The following GNA12 variants were observed in gnomAD, a reference collection of about 807,000 sequenced individuals.
GNA12 encodes the protein guanine nucleotide-binding protein subunit alpha-12.
Under a neutral mutation model 26.0 loss-of-function variants are expected in GNA12, and 9 were observed. The observed-to-expected ratio is 0.35, with a 90% CI of 0.21 to 0.60. GNA12 has a LOEUF of 0.60. Ranked by LOEUF, GNA12 falls within the 20% of genes least tolerant of loss-of-function variation. The pLI is 0.78. For synonymous variants in GNA12, 264 were observed against 219.6 expected, an observed-to-expected ratio of 1.20 and a Z score of -1.79; for missense variants, 405 against 525.8, an observed-to-expected ratio of 0.77 and a Z score of 2.25.
intron 1 of GNA12, among the ~76,000 whole-genome samples, chr7:2,813,817 G>C (rs907283118): frequency 6.6e-6 from 1 of 152,102 alleles, no homozygotes; most frequent in Non-Finnish European, 1.5e-5. Context: ...CACTGAACTG[G>C]GCCACAGGGT....
In GNA12 at chr7:2,839,865, G is replaced by T. The variant is rs528005187; in HGVS notation, c.309+3988C>A. On this transcript the variant is annotated intron_variant, in intron 1 of 3. Coordinates refer to ENST00000275364, the MANE Select transcript of GNA12 (RefSeq NM_007353.3). ...TACACAAAAATTAGCTGGACGTGGTGGTGGGCGCCTGTAATCCCAGCTACC... is the reference window on the plus strand; with the variant it reads ...TACACAAAAATTAGCTGGACGTGGTTGTGGGCGCCTGTAATCCCAGCTACC... Among the ~76,000 whole-genome samples, 11 of 152,284 alleles carry T rather than the reference G, an allele frequency of 7.2e-5. No homozygotes were observed. The South Asian group carries it at 2.3e-3, about 32-fold the overall frequency.
intron 1 of GNA12, among the ~76,000 whole-genome samples, chr7:2,803,653 G>A: frequency 6.6e-6 from 1 of 152,130 alleles, no homozygotes; most frequent in East Asian, 1.9e-4. Context: ...TAGTTCAGTT[G>A]GACAGTGGGA....
rs748113158 is a variant in GNA12 at position 2,780,048 on chromosome 7, G to GTGTGTATATATATATA, written c.525+14879_525+14880insTATATATATATACACA. ...GTACTAGTTTTTTACACATTTCTGT[G>GTGTGTATATATATATA]TACATATATATATATATATATATAT... is the stretch of plus-strand genomic sequence containing the variant. On this transcript the variant is annotated intron_variant, in intron 2 of 3. Coordinates refer to ENST00000275364, the MANE Select transcript of GNA12 (RefSeq NM_007353.3). Among the ~76,000 whole-genome samples the GTGTGTATATATATATA allele has an allele frequency of 5.2e-4, 44 of 84,714 alleles. 1 individual carries two copies. The highest frequency in any genetic ancestry group is 7.4e-4 in the Non-Finnish European group (33 of 44,650). 55.6% of individuals were successfully genotyped at this position (84,714 alleles called of 152,430 possible).
chr7:2,737,269 GTTTTGTTTTTTTTTTTTTTGTT>G (rs1790239773), intron 2 of GNA12, among the ~76,000 whole-genome samples: 4 of 38,112 alleles, frequency 1.0e-4, no homozygotes, highest in South Asian at 7.8e-4. Flanking sequence ...TCACAGTTTT[GTTTTGTTTTTTTTTTTTTTGTT>G]TTTTTTTTTT....
intron 1 of GNA12, among the ~76,000 whole-genome samples, chr7:2,832,475 C>T (rs980084589): frequency 1.3e-5 from 2 of 152,164 alleles, no homozygotes; most frequent in African/African-American, 4.8e-5. Flanking sequence ...GAGGAGTCCA[C>T]GCCATGCACC....
intron 1 of GNA12, among the ~76,000 whole-genome samples, chr7:2,807,105 C>G (rs1339079032): frequency 6.6e-6 from 1 of 152,148 alleles, no homozygotes; most frequent in Non-Finnish European, 1.5e-5. Flanking sequence ...CCAATAATAT[C>G]TAAGCAGTCA....
intron 1 of GNA12, among the ~76,000 whole-genome samples, chr7:2,821,718 T>C (rs1238798533): frequency 6.6e-6 from 1 of 152,252 alleles, no homozygotes; most frequent in Non-Finnish European, 1.5e-5. Flanking sequence ...TTTCCCTTCC[T>C]GTGGCAAGTC....
In GNA12 at chr7:2,830,207, G is replaced by C. The variant is rs78937196; in HGVS notation, c.309+13646C>G. 9.3e-3 allele frequency among the ~76,000 whole-genome samples: 1,408 copies of C among 151,590 alleles called. 17 individuals are homozygous for C. Among genetic ancestry groups the C allele is most frequent in the African/African-American group, 0.033 (1,328 of 40,848 alleles). ...GCCTCAATACTACCTTAAGGGACTG[G>C]GGCTGGGGTCAGGAAATGCACTACA... On this transcript the variant is annotated intron_variant, in intron 1 of 3. Transcript: ENST00000275364.
intron 2 of GNA12, among the ~76,000 whole-genome samples, chr7:2,781,407 A>AGTCTGT (rs1583276336): frequency 1.7e-5 from 1 of 58,858 alleles, no homozygotes; most frequent in East Asian, 7.1e-4. Context: ...TTTCAAAGTA[A>AGTCTGT]GTGTCTGTGT....
chr7:2,742,293 G>T (rs1583220848), intron 2 of GNA12, among the ~76,000 whole-genome samples: 1 of 152,138 alleles, frequency 6.6e-6, no homozygotes, highest in Non-Finnish European at 1.5e-5. Context: ...TGGGATTACA[G>T]GTGTGAGCCA....
intron 1 of GNA12, among the ~76,000 whole-genome samples, chr7:2,801,982 A>T (rs1403541313): frequency 6.6e-6 from 1 of 152,186 alleles, no homozygotes; most frequent in Non-Finnish European, 1.5e-5. Context: ...TAAAGTCTTA[A>T]AAGTAAAATA....
chr7:2,805,440 G>C (rs898549964), intron 1 of GNA12, among the ~76,000 whole-genome samples: 1 of 152,180 alleles, frequency 6.6e-6, no homozygotes, highest in African/African-American at 2.4e-5. Context: ...GTCACACTGT[G>C]TCCCCCAGGC....
chr7:2,761,789 A>G (rs1436334906), intron 2 of GNA12, among the ~76,000 whole-genome samples: 1 of 152,192 alleles, frequency 6.6e-6, no homozygotes, highest in Admixed American at 6.5e-5. Context: ...GTTCATTAAA[A>G]CGTGAAGAGA....
intron 1 of GNA12, among the ~76,000 whole-genome samples, chr7:2,823,193 G>A (rs987440048): frequency 3.9e-5 from 6 of 152,158 alleles, no homozygotes; most frequent in African/African-American, 9.7e-5. Context: ...GTCCAGAGAC[G>A]GCCCCATACC....
At chr7:2,838,468 C>T (rs1039072506) in intron 1 of GNA12, among the ~76,000 whole-genome samples, 1 of 151,992 alleles carries the variant, frequency 6.6e-6, no homozygotes, top group Admixed American at 6.6e-5. Context: ...TCTGTAGTCC[C>T]GGCTACTAGG....
chr7:2,826,770 CA>C (rs1267223489), intron 1 of GNA12, among the ~76,000 whole-genome samples: 1 of 152,042 alleles, frequency 6.6e-6, no homozygotes, highest in African/African-American at 2.4e-5. Flanking sequence ...CAGAGGCTGC[CA>C]GGGGTTGAGG....
intron 2 of GNA12, among the ~76,000 whole-genome samples, chr7:2,740,145 G>A (rs1433609942): frequency 6.6e-6 from 1 of 152,040 alleles, no homozygotes; most frequent in Non-Finnish European, 1.5e-5. Flanking sequence ...TACTAGCTGT[G>A]AAATGGCACT....
chr7:2,815,040 A>C, intron 1 of GNA12: 2 of 1,492,772 alleles, frequency 1.3e-6, no homozygotes, highest in Non-Finnish European at 1.8e-6. Context: ...CCCCTGTCAA[A>C]GCCACCAAGC....
At chr7:2,762,019 A>G (rs908862499) in intron 2 of GNA12, among the ~76,000 whole-genome samples, 9 of 152,226 alleles carry the variant, frequency 5.9e-5, no homozygotes, top group Non-Finnish European at 1.2e-4. Context: ...CTCACACAGA[A>G]CACTCGCAGA....
Sources: allele counts gnomAD v4.1 joint callset (sites outside exome capture counted in the v4.1 genomes callset), GRCh38; gene constraint gnomAD v4.1.1; transcripts MANE v1.5; gene names NCBI Gene and HGNC (gene_info 2026-07-23, HGNC 2026-07-21).